The following NKAIN1 variants were observed in gnomAD, a reference collection of about 807,000 sequenced individuals.
The protein encoded by NKAIN1 is sodium/potassium transporting ATPase interacting 1, also known as sodium/potassium-transporting ATPase subunit beta-1-interacting protein 1.
Under a neutral mutation model 31.6 loss-of-function variants are expected in NKAIN1, and 13 were observed. The observed-to-expected ratio is 0.41, with a 90% CI of 0.27 to 0.65. The LOEUF is 0.65. Among genes scored for constraint, NKAIN1 ranks in the 30% least tolerant of loss-of-function variants. The pLI, the probability that NKAIN1 is intolerant of heterozygous loss-of-function variation, is 0.30. For synonymous variants in NKAIN1, 104 were observed against 109.0 expected (o/e 0.95, Z 0.28); for missense variants, 193 against 262.2 (o/e 0.74, Z 1.82).
chr1:31,206,254 A>AAAT (rs61401219), intron 1 of NKAIN1, among the ~76,000 whole-genome samples: 33 of 67,596 alleles, frequency 4.9e-4, no homozygotes, highest in South Asian at 3.0e-3. Context: ...ATAAATAAAT[A>AAAT]AAATAAAAAT....
chr1:31,229,410 T>C (rs574051890), intron 1 of NKAIN1, among the ~76,000 whole-genome samples: 2 of 152,214 alleles, frequency 1.3e-5, no homozygotes, highest in South Asian at 4.2e-4. Context: ...GTGCAGCCTA[T>C]GTTGCCCAGG....
At chr1:31,182,618 G>A (rs1376164513) in intron 4 of NKAIN1, 28 bp from the exon 5 acceptor site, 1 of 1,613,722 alleles carries the variant, frequency 6.2e-7, no homozygotes, top group Non-Finnish European at 8.5e-7. Flanking sequence ...ACGTCAGGGA[G>A]GAAGGAGGAG....
At chr1:31,236,472 A>G (rs1419154074) in intron 1 of NKAIN1, among the ~76,000 whole-genome samples, 1 of 152,176 alleles carries the variant, frequency 6.6e-6, no homozygotes, top group Non-Finnish European at 1.5e-5. Flanking sequence ...TGGATGAGAA[A>G]ACCAAGACTC....
intron 1 of NKAIN1, among the ~76,000 whole-genome samples, chr1:31,215,310 A>T (rs1645502735): frequency 6.6e-6 from 1 of 152,112 alleles, no homozygotes; most frequent in African/African-American, 2.4e-5. Flanking sequence ...GGGCTTCGGG[A>T]TCCCCCTTAC....
intron 1 of NKAIN1, among the ~76,000 whole-genome samples, chr1:31,230,803 A>G (rs12136293): frequency 0.39 from 58,904 of 151,682 alleles, 14,163 homozygotes; most frequent in Non-Finnish European, 0.55. Context: ...TCCACTGTGC[A>G]ATCGTCACAT....
At chr1:31,196,374 G>A (rs1368806742) in intron 1 of NKAIN1, among the ~76,000 whole-genome samples, 9 of 152,192 alleles carry the variant, frequency 5.9e-5, no homozygotes, top group Non-Finnish European at 1.0e-4. Context: ...TTAGCCAGGC[G>A]TGGTGGCGGG....
intron 1 of NKAIN1, among the ~76,000 whole-genome samples, chr1:31,203,017 T>C (rs1282147243): frequency 1.6e-5 from 2 of 127,838 alleles, no homozygotes; most frequent in Non-Finnish European, 3.2e-5. Context: ...CTCACGCGGG[T>C]AATCCCAGCA....
At chr1:31,219,434 G>A (rs941117921) in intron 1 of NKAIN1, among the ~76,000 whole-genome samples, 1 of 152,264 alleles carries the variant, frequency 6.6e-6, no homozygotes, top group Non-Finnish European at 1.5e-5. Flanking sequence ...CGCCCTGACA[G>A]TGGGCTTGGG....
At chr1:31,229,089 T>G (rs1008552293) in intron 1 of NKAIN1, among the ~76,000 whole-genome samples, 1 of 152,202 alleles carries the variant, frequency 6.6e-6, no homozygotes, top group Non-Finnish European at 1.5e-5. Flanking sequence ...CAGTGAGTAC[T>G]AGAACCCAGG....
intron 1 of NKAIN1, among the ~76,000 whole-genome samples, chr1:31,197,247 G>C (rs113220732): frequency 6.6e-6 from 1 of 151,596 alleles, no homozygotes; most frequent in Non-Finnish European, 1.5e-5. Context: ...GAGTAGCTGG[G>C]ACTACAGGCA....
At chr1:31,198,144 G>A (rs576229731) in intron 1 of NKAIN1, among the ~76,000 whole-genome samples, 5 of 152,234 alleles carry the variant, frequency 3.3e-5, no homozygotes, top group Non-Finnish European at 7.4e-5. Context: ...ATTTTCAGTG[G>A]TGAGACCAGT....
intron 1 of NKAIN1, among the ~76,000 whole-genome samples, chr1:31,236,743 T>C (rs1645695350): frequency 1.3e-5 from 2 of 152,184 alleles, no homozygotes. Flanking sequence ...CTCAAGCCTC[T>C]AGTGCTGGTG....
chr1:31,184,129 C>T, intron 3 of NKAIN1, 115 bp from the exon 4 acceptor site: 1 of 857,750 alleles, frequency 1.2e-6, no homozygotes, highest in Non-Finnish European at 1.8e-6. Context: ...CCTGCACCTG[C>T]AAGTCCATAT....
rs1274175460 is a variant in NKAIN1, at chr1:31,180,466, C to A, written c.*1237G>T. The A allele has an allele frequency of 7.2e-5, 11 of 152,538 alleles. No individual in the cohort carries two copies. The highest frequency in any genetic ancestry group is 4.1e-4 in the South Asian group (2 of 4,832). The allele number at this position is 152,538 out of a possible 1,614,324, so 9.4% of individuals were successfully genotyped here. A position where few individuals can be genotyped will look rare whatever the true frequency, so the allele number is the denominator to read the frequency against. On this transcript the variant is annotated 3_prime_UTR_variant, in exon 7 of 7. Transcript: ENST00000373736. Reference sequence around the variant, plus strand: ...ACTCCCCGACTACTCACACCCCCATCTGCCCCTTCAGAACTCCTTCTGGGC... The same window carrying A: ...ACTCCCCGACTACTCACACCCCCATATGCCCCTTCAGAACTCCTTCTGGGC...
At chr1:31,232,425 A>ATATATATAGAGAGAGAGAGATC (rs71028751) in intron 1 of NKAIN1, among the ~76,000 whole-genome samples, 1 of 18,818 alleles carries the variant, frequency 5.3e-5, no homozygotes. Context: ...ATATATATAT[A>ATATATATAGAGAGAGAGAGATC]GAGAGAGAGA....
intron 1 of NKAIN1, among the ~76,000 whole-genome samples, chr1:31,236,033 C>G (rs1020513567): frequency 6.6e-6 from 1 of 152,136 alleles, no homozygotes; most frequent in Non-Finnish European, 1.5e-5. Flanking sequence ...GTGCTAAATT[C>G]ATTATATGGA....
At chr1:31,211,929 G>A (rs1434054624) in intron 1 of NKAIN1, among the ~76,000 whole-genome samples, 2 of 151,676 alleles carry the variant, frequency 1.3e-5, no homozygotes, top group Middle Eastern at 3.2e-3. Context: ...GAGACAGAGT[G>A]AGACTCTGTC....
intron 1 of NKAIN1, among the ~76,000 whole-genome samples, chr1:31,224,031 C>G (rs897104178): frequency 1.3e-5 from 2 of 152,204 alleles, no homozygotes; most frequent in African/African-American, 4.8e-5. Context: ...AGCTCTCCTC[C>G]CTAGCCTTAT....
chr1:31,219,745 G>A (rs1298887987), intron 1 of NKAIN1, among the ~76,000 whole-genome samples: 1 of 152,234 alleles, frequency 6.6e-6, no homozygotes, highest in African/African-American at 2.4e-5. Flanking sequence ...TAGCCCAAGG[G>A]TTTGGAGAGC....
Sources: allele counts gnomAD v4.1 joint callset (sites outside exome capture counted in the v4.1 genomes callset), GRCh38; gene constraint gnomAD v4.1.1; transcripts MANE v1.5; gene names NCBI Gene and HGNC (gene_info 2026-07-23, HGNC 2026-07-21).